EP400: variants seen among roughly 807,000 people sequenced by gnomAD.
EP400 encodes E1A-binding protein p400.
Under a neutral mutation model 354.1 loss-of-function variants are expected in EP400, and 105 were observed. The ratio of observed to expected loss-of-function variants is 0.30; its 90% CI spans 0.25 to 0.35. The LOEUF (loss-of-function observed/expected upper bound fraction) is 0.35. Among genes scored for constraint, EP400 ranks in the 10% least tolerant of loss-of-function variants. The pLI, the probability that EP400 is intolerant of heterozygous loss-of-function variation, is 1.00. For missense variants in EP400, 3,280 were observed against 4,121.0 expected (o/e 0.80, Z 5.59); for synonymous variants, 1,646 against 1,716.9 (o/e 0.96, Z 1.02).
In EP400 at chr12:132,064,877, G is replaced by A. The variant is rs368727391; in HGVS notation, c.8544G>A (p.Val2848=). 2.2e-5 allele frequency: 36 copies of A among 1,606,856 alleles called. No individual in the cohort carries two copies. The highest frequency in any genetic ancestry group is 2.9e-5 in the Non-Finnish European group (34 of 1,177,316). The stretch of plus-strand genomic sequence containing the variant: ...GCACCACCGTGGCCAACCTCCAGGT[G>A]GCCCGGCTCGTAAGTGTCAGTTTCT... ...LTGTTVANLQ[V]ARLTRVPTSQ... Residue 2848 remains valine, a synonymous_variant, in exon 48 of 53, where the codon GTG becomes GTA. Transcript: ENST00000389561.
chr12:132,004,624 G>A (rs937863274), intron 12 of EP400, among the ~76,000 whole-genome samples: 10 of 151,864 alleles, frequency 6.6e-5, no homozygotes, highest in African/African-American at 2.4e-4. Context: ...TAAATCTTTT[G>A]TGAATACAAT....
intron 34 of EP400, 34 bp downstream of exon 34, chr12:132,043,762 T>A (rs1362757162): frequency 1.9e-6 from 3 of 1,558,470 alleles, no homozygotes; most frequent in Non-Finnish European, 2.6e-6. Context: ...GTGAAAAAAA[T>A]TTGCAATATT....
intron 32 of EP400, among the ~76,000 whole-genome samples, chr12:132,042,504 T>C (rs2136574177): frequency 6.6e-6 from 1 of 152,338 alleles, no homozygotes; most frequent in South Asian, 2.1e-4. Flanking sequence ...TCCTCTATTT[T>C]CTTCTACATG....
chr12:132,070,102 C>T lies in EP400; in HGVS notation c.9021+461C>T, dbSNP rs1329826700. On this transcript the variant is annotated intron_variant, in intron 51 of 52. Coordinates refer to ENST00000389561, the MANE Select transcript of EP400 (RefSeq NM_015409.5). This position sits in a 1 kb window ranked among gnomAD's most constrained non-coding sequence, Gnocchi z 4.1. Reference sequence around the variant, plus strand: ...TGCCTAGAGCTTTTATGTCCTGCTTCCTCCCAGAGCTTATGGAGTTACCTC... The same window carrying T: ...TGCCTAGAGCTTTTATGTCCTGCTTTCTCCCAGAGCTTATGGAGTTACCTC... Among the ~76,000 whole-genome samples the T allele has an allele frequency of 2.6e-5, 4 of 152,158 alleles. No individual in the cohort carries two copies. Among genetic ancestry groups the T allele is most frequent in the East Asian group, 1.9e-4 (1 of 5,190 alleles).
chr12:132,069,301 A>C (rs1895998107), intron 50 of EP400, 194 bp from the exon 51 acceptor site: 2 of 714,298 alleles, frequency 2.8e-6, no homozygotes, highest in South Asian at 5.2e-5. Flanking sequence ...GCCATGCCGC[A>C]TGGGCAGAGG....
Position 132,032,499 on chromosome 12 carries a change from C to T in EP400, c.5951+350C>T, listed in dbSNP as rs938173276. 2.0e-5 allele frequency among the ~76,000 whole-genome samples: 3 copies of T among 152,002 alleles called. No homozygotes were observed. The South Asian group carries it at 6.2e-4, about 31-fold the overall frequency. ...ACGTGTGGTACCTCTTGCAGAGTAT[C>T]TCAGTCTTAAAAGTACGATTTAGAT... On this transcript the variant is annotated intron_variant, in intron 30 of 52. Transcript: ENST00000389561.
Position 132,017,925 on chromosome 12 carries a change from A to G in EP400, c.4110+204A>G, listed in dbSNP as rs1893998678. On this transcript the variant is annotated intron_variant, in intron 20 of 52. Coordinates refer to ENST00000389561, the MANE Select transcript of EP400 (RefSeq NM_015409.5). The surrounding 1 kb of genome is among the most constrained non-coding windows in gnomAD (Gnocchi z 5.0). The stretch of plus-strand genomic sequence containing the variant: ...CCACCTCCGGAAATTTACCCGAGGG[A>G]GACAGGCTCACAGAGTGGAAAGATG... 1.3e-5 allele frequency among the ~76,000 whole-genome samples: 2 copies of G among 152,148 alleles called. No homozygotes were observed. Among genetic ancestry groups the G allele is most frequent in the African/African-American group, 4.8e-5 (2 of 41,434 alleles).
chr12:131,982,688 GGGCT>G (rs1892722650), intron 5 of EP400, among the ~76,000 whole-genome samples: 1 of 152,114 alleles, frequency 6.6e-6, no homozygotes, highest in Non-Finnish European at 1.5e-5. Context: ...ATAGAGAACT[GGGCT>G]GGGTTTGGTG....
chr12:132,062,337 G>A lies in EP400; in HGVS notation c.8098+14G>A. On this transcript the variant is annotated intron_variant, in intron 46 of 52. Transcript: ENST00000389561. ...AAGTGTCCCAAGGTAAAGCCAGGCT[G>A]GGAGCTTTCTCTGCCACACGTCTGC... 6.2e-7 allele frequency: 1 copy of A among 1,613,680 alleles called. No individual in the cohort carries two copies. The highest frequency in any genetic ancestry group is 8.5e-7 in the Non-Finnish European group (1 of 1,179,586).
At chr12:132,046,406 G>A (rs1295822377) in intron 39 of EP400, among the ~76,000 whole-genome samples, 4 of 152,178 alleles carry the variant, frequency 2.6e-5, no homozygotes, top group African/African-American at 4.8e-5. Context: ...AAGTTGATAA[G>A]CTGTCTCGCT....
At chr12:131,950,336 G>A (rs1319094367) in intron 1 of EP400, among the ~76,000 whole-genome samples, 2 of 152,120 alleles carry the variant, frequency 1.3e-5, no homozygotes, top group African/African-American at 4.8e-5. Context: ...GCCGAGGGCA[G>A]CTCGGCGCGG....
At chr12:132,022,080 G>A (rs1894139507) in intron 23 of EP400, among the ~76,000 whole-genome samples, 1 of 152,220 alleles carries the variant, frequency 6.6e-6, no homozygotes, top group East Asian at 1.9e-4. Flanking sequence ...AGACACTTGA[G>A]TTCAAACTAA....
chr12:132,039,519 C>A (rs1281949257), intron 32 of EP400, among the ~76,000 whole-genome samples: 3 of 152,170 alleles, frequency 2.0e-5, no homozygotes, highest in Non-Finnish European at 4.4e-5. Flanking sequence ...AGGGATCCAC[C>A]CGTGACCCAA....
At chr12:132,044,448 A>G in intron 35 of EP400, 137 bp downstream of exon 35, 1 of 1,325,426 alleles carries the variant, frequency 7.5e-7, no homozygotes. Flanking sequence ...TATCAACACA[A>G]CCTCACTTAT....
intron 2 of EP400, among the ~76,000 whole-genome samples, chr12:131,969,444 A>G (rs1325071345): frequency 6.6e-6 from 1 of 152,158 alleles, no homozygotes. Context: ...GCTCCTTGCC[A>G]GTCATTTACT....
At chr12:132,023,316 T>TA in intron 23 of EP400, among the ~76,000 whole-genome samples, 1 of 142,868 alleles carries the variant, frequency 7.0e-6, no homozygotes, top group Admixed American at 7.0e-5. Context: ...TTTTTTTTTT[T>TA]TTTTTTTTTT....
chr12:132,063,009 G>A (rs1017336797), intron 47 of EP400, among the ~76,000 whole-genome samples: 5 of 152,126 alleles, frequency 3.3e-5, no homozygotes, highest in African/African-American at 1.2e-4. Flanking sequence ...CTCTAGGCCC[G>A]CTTGGTGTGG....
At position 131,981,552 on chromosome 12, in the gene EP400, C is replaced by T. The variant is rs763493326; in HGVS notation, c.1499C>T (p.Ala500Val). Reference protein sequence around the residue: ...HQGVVFQHPGADAGVPLQQLM... With the variant: ...HQGVVFQHPGVDAGVPLQQLM... ...GGGGTAGTTTTCCAGCACCCAGGGG[C>T]GGACGCAGGCGTTCCTCTCCAGCAA... Residue 500 changes from alanine to valine, a missense_variant, in exon 4 of 53, where the codon GCG becomes GTG. Around this residue, in one of 20 missense-constraint regions of EP400, gnomAD observed 800 missense variants for 840.0 expected, o/e 0.95. Coordinates refer to ENST00000389561, the MANE Select transcript of EP400 (RefSeq NM_015409.5). The T allele has an allele frequency of 6.9e-6, 11 of 1,601,714 alleles. No individual in the cohort carries two copies. Among genetic ancestry groups the T allele is most frequent in the East Asian group, 2.2e-5 (1 of 44,566 alleles).
At chr12:132,076,653 T>G (rs868273297) in intron 52 of EP400, 60 bp downstream of exon 52, 32 of 1,439,116 alleles carry the variant, frequency 2.2e-5, no homozygotes, top group African/African-American at 1.3e-4. Flanking sequence ...TGGGTTGTTT[T>G]CATCTGAGGT....
Sources: gnomAD v4.1 joint callset for allele counts (sites outside exome capture counted in the v4.1 genomes callset) on GRCh38, gnomAD v4.1.1 for gene constraint, gnomAD v4.1.1 regional missense constraint, Gnocchi (gnomAD v3.1) non-coding constraint, MANE v1.5 for transcripts, NCBI Gene and HGNC (gene_info 2026-07-23, HGNC 2026-07-21) for gene names.